DHX32: variants seen among roughly 807,000 people sequenced by gnomAD.
The protein encoded by DHX32 is putative pre-mRNA-splicing factor ATP-dependent RNA helicase DHX32.
A neutral mutation model predicts 70.0 loss-of-function variants in DHX32; 51 were observed. That is an observed-to-expected ratio of 0.73 (90% CI 0.58 to 0.92). DHX32 has a LOEUF of 0.92. Among genes scored for constraint, DHX32 ranks in the 40% least tolerant of loss-of-function variants. The pLI, the probability that DHX32 is intolerant of heterozygous loss-of-function variation, is 0.00. For synonymous variants in DHX32, 310 were observed against 315.3 expected, an observed-to-expected ratio of 0.98 and a Z score of 0.18; for missense variants, 762 against 891.8, an observed-to-expected ratio of 0.85 and a Z score of 1.85.
rs576530275 is a variant in DHX32, at chr10:125,837,997, A to G, written c.2063+209T>C. Among the ~76,000 whole-genome samples the G allele has an allele frequency of 2.0e-5, 3 of 152,246 alleles. No homozygotes were observed. In the East Asian group the frequency reaches 5.8e-4, roughly 29 times the overall value. ...ACACATGGTCTTTGTTTTTATTTCT[A>G]CACTGTCTTTTCTATGCTGTAATCT... On this transcript the variant is annotated intron_variant, in intron 10 of 10. Transcript: ENST00000284690.
At chr10:125,846,539 C>G (rs1557141) in intron 6 of DHX32, among the ~76,000 whole-genome samples, 4 of 152,214 alleles carry the variant, frequency 2.6e-5, no homozygotes, top group Admixed American at 2.6e-4. Context: ...AGGCACACAT[C>G]TGGGACAGCC....
intron 6 of DHX32, among the ~76,000 whole-genome samples, chr10:125,849,307 C>T (rs1043143614): frequency 1.3e-5 from 2 of 152,184 alleles, no homozygotes; most frequent in Non-Finnish European, 2.9e-5. Context: ...AGTTCCCAGG[C>T]CCACAAGAGC....
At chr10:125,857,676 A>G (rs1321392535) in intron 3 of DHX32, among the ~76,000 whole-genome samples, 1 of 152,174 alleles carries the variant, frequency 6.6e-6, no homozygotes, top group Non-Finnish European at 1.5e-5. Flanking sequence ...GTCACTCTAC[A>G]ATTAATTATA....
Position 125,859,645 on chromosome 10 carries a change from C to A in DHX32, c.807G>T (p.Ser269=). Residue 269 remains serine (S), a synonymous_variant, in exon 3 of 11, where the codon TCG becomes TCT. Coordinates refer to ENST00000284690, the MANE Select transcript of DHX32 (RefSeq NM_018180.3). ...ILRLIFEIHH[S]GEKGDIVVFL... ...AGACTACAATGTCACCTTTCTCACCCGAGTGGTGAATTTCAAAGATAAGGC... is the reference window on the plus strand; with the variant it reads ...AGACTACAATGTCACCTTTCTCACCAGAGTGGTGAATTTCAAAGATAAGGC... 1 of 1,607,838 alleles carries A rather than the reference C, an allele frequency of 6.2e-7. No individual in the cohort carries two copies. The highest frequency in any genetic ancestry group is 8.5e-7 in the Non-Finnish European group (1 of 1,177,572).
intron 6 of DHX32, among the ~76,000 whole-genome samples, chr10:125,848,474 C>T (rs926416421): frequency 6.6e-6 from 1 of 152,184 alleles, no homozygotes; most frequent in African/African-American, 2.4e-5. Context: ...ACATGGCCAC[C>T]CAGCTGTTTT....
chr10:125,846,360 C>T (rs1205179430), intron 6 of DHX32, among the ~76,000 whole-genome samples: 2 of 152,132 alleles, frequency 1.3e-5, no homozygotes, highest in Admixed American at 6.5e-5. Context: ...AAAAAAAATG[C>T]ATGGGTTTTA....
chr10:125,895,414 G>A lies in DHX32; in HGVS notation c.-248+804C>T, dbSNP rs565394126. Among the ~76,000 whole-genome samples the A allele has an allele frequency of 7.9e-5, 12 of 151,582 alleles. No homozygotes were observed. The South Asian group carries it at 2.5e-3, about 32-fold the overall frequency. On this transcript the variant is annotated intron_variant, in intron 1 of 2. Transcript: ENST00000415732. Reference sequence around the variant, plus strand: ...ACCTGAATACCAAATCAATCCTGCAGCCCCCCACACCCTTAATGCCCCTGC... The same window carrying A: ...ACCTGAATACCAAATCAATCCTGCAACCCCCCACACCCTTAATGCCCCTGC...
intron 1 of DHX32, among the ~76,000 whole-genome samples, chr10:125,892,515 C>T (rs1944377363): frequency 6.6e-6 from 1 of 152,282 alleles, no homozygotes; most frequent in Non-Finnish European, 1.5e-5. Context: ...TCTGCTAATA[C>T]ACATGAAGAA....
intron 1 of DHX32, among the ~76,000 whole-genome samples, chr10:125,872,093 C>T (rs930444152): frequency 2.0e-4 from 31 of 152,122 alleles, no homozygotes; most frequent in African/African-American, 7.2e-4. Context: ...AATTCCCAAC[C>T]TCAGGTGATC....
At chr10:125,877,415 A>G (rs561650474) in intron 1 of DHX32, among the ~76,000 whole-genome samples, 5 of 152,280 alleles carry the variant, frequency 3.3e-5, no homozygotes, top group African/African-American at 1.2e-4. Flanking sequence ...GGGCAGGTAC[A>G]GTGGCTCATG....
chr10:125,854,398 A>T (rs968381018), intron 3 of DHX32, 195 bp from the exon 4 acceptor site: 1 of 427,316 alleles, frequency 2.3e-6, no homozygotes, highest in Non-Finnish European at 4.0e-6. Context: ...GGGGAAGTTA[A>T]ATATAATTTA....
chr10:125,863,264 C>CA (rs996153531), intron 2 of DHX32, among the ~76,000 whole-genome samples: 1 of 151,770 alleles, frequency 6.6e-6, no homozygotes, highest in African/African-American at 2.4e-5. Context: ...TTCACTGTTT[C>CA]AAAAAAGGCC....
At position 125,852,556 on chromosome 10, in the gene DHX32, G is replaced by A. The variant is rs750220644; in HGVS notation, c.1179C>T (p.Gly393=). The change falls in exon 5 of 11, where the codon GGC becomes GGT. Residue 393 remains glycine, a synonymous_variant. Coordinates refer to ENST00000284690, the MANE Select transcript of DHX32 (RefSeq NM_018180.3). The stretch of plus-strand genomic sequence containing the variant: ...CCACAGCACTACCTGAAGAAGATGA[G>A]CCAAGAATCTGCTTGCGTATCTCTG... The part of the protein sequence containing the change: ...SQAEIRKQIL[G]SSSSGKFFCL... 6.2e-7 allele frequency: 1 copy of A among 1,613,596 alleles called. No individual in the cohort carries two copies. The highest frequency in any genetic ancestry group is 1.7e-4 in the Middle Eastern group (1 of 6,058).
chr10:125,841,210 T>C (rs1854868256), intron 7 of DHX32: 1 of 1,581,038 alleles, frequency 6.3e-7, no homozygotes, highest in African/African-American at 1.3e-5. Context: ...TTTGCTTTTC[T>C]AAGGTCAACT....
chr10:125,842,941 C>A lies in DHX32; in HGVS notation c.1352-1007G>T, dbSNP rs1293625852. On this transcript the variant is annotated intron_variant, in intron 6 of 10. Coordinates refer to ENST00000284690, the MANE Select transcript of DHX32 (RefSeq NM_018180.3). Reference sequence around the variant, plus strand: ...AATATATTCTCTTTGTGGAATAAGGCTATATATAGATTGGTGCAAAAGTAA... The same window carrying A: ...AATATATTCTCTTTGTGGAATAAGGATATATATAGATTGGTGCAAAAGTAA... The A allele has an allele frequency of 2.0e-5, 6 of 298,388 alleles. No individual in the cohort carries two copies. The South Asian group carries it at 7.8e-4, about 39-fold the overall frequency. The allele number at this position is 298,388 out of a possible 1,614,324, so 18.5% of individuals were successfully genotyped here.
At chr10:125,893,686 C>T (rs1047161369) in intron 1 of DHX32, among the ~76,000 whole-genome samples, 6 of 152,112 alleles carry the variant, frequency 3.9e-5, no homozygotes, top group Non-Finnish European at 8.8e-5. Context: ...CCACCTTTGA[C>T]AGAACTCCCT....
chr10:125,892,707 T>G (rs529091359), intron 1 of DHX32, among the ~76,000 whole-genome samples: 2 of 152,268 alleles, frequency 1.3e-5, no homozygotes, highest in Admixed American at 6.5e-5. Context: ...GTCTGCTCTA[T>G]GCCTAAGTCA....
intron 4 of DHX32, chr10:125,853,320 T>G: frequency 1.2e-6 from 1 of 812,210 alleles, no homozygotes; most frequent in Non-Finnish European, 1.8e-6. Flanking sequence ...GGTAAATTAG[T>G]CAATATTTGT....
chr10:125,838,443 A>G, intron 9 of DHX32, 56 bp from the exon 10 acceptor site: 1 of 1,434,392 alleles, frequency 7.0e-7, no homozygotes, highest in Non-Finnish European at 9.3e-7. Context: ...AGATCATTAT[A>G]CAAAGATGTT....
Sources: gnomAD v4.1 joint callset for allele counts (sites outside exome capture counted in the v4.1 genomes callset) on GRCh38, gnomAD v4.1.1 for gene constraint, MANE v1.5 for transcripts, NCBI Gene and HGNC (gene_info 2026-07-23, HGNC 2026-07-21) for gene names.